The following TMEM63B variants were observed in gnomAD, a reference collection of about 807,000 sequenced individuals.
TMEM63B encodes the protein transmembrane protein 63B.
Under a neutral mutation model 102.6 loss-of-function variants are expected in TMEM63B, and 23 were observed. That is an observed-to-expected ratio of 0.22 (90% CI 0.16 to 0.32). The LOEUF is 0.32. Ranked by LOEUF, TMEM63B falls within the 10% of genes least tolerant of loss-of-function variation. The pLI, the probability that TMEM63B is intolerant of heterozygous loss-of-function variation, is 1.00. For missense variants in TMEM63B, 628 were observed against 1,095.9 expected (o/e 0.57, Z 6.03); for synonymous variants, 444 against 437.0 (o/e 1.02, Z -0.20).
At chr6:44,136,880 C>T (rs9349274) in intron 5 of TMEM63B, among the ~76,000 whole-genome samples, 68,733 of 152,066 alleles carry the variant, frequency 0.45, 16,684 homozygotes, top group East Asian at 0.76. Flanking sequence ...CCCGTCTCTA[C>T]TAAAAATACA....
intron 21 of TMEM63B, 66 bp from the exon 22 acceptor site, chr6:44,154,007 T>C: frequency 6.4e-7 from 1 of 1,570,408 alleles, no homozygotes; most frequent in Non-Finnish European, 8.7e-7. Context: ...ATTCAGAGGG[T>C]ATCAGAAGCT....
intron 10 of TMEM63B, among the ~76,000 whole-genome samples, chr6:44,144,255 G>A (rs758000220): frequency 4.6e-5 from 7 of 152,228 alleles, no homozygotes; most frequent in Non-Finnish European, 7.3e-5. Flanking sequence ...GGATTAGGCA[G>A]GGCTTGTGGT....
At position 44,154,778 on chromosome 6, in the gene TMEM63B, A is replaced by G. The variant is rs200697628; in HGVS notation, c.2394A>G (p.Ser798=). 1.6e-4 allele frequency: 264 copies of G among 1,609,674 alleles called. No homozygotes were observed. The East Asian group carries it at 5.5e-3, about 33-fold the overall frequency. The stretch of plus-strand genomic sequence containing the variant: ...GGAGCTCAGGGGATGAGCCCCCATC[A>G]TCCTCATCCCAAGATGAGGAGTTGC... ...APGSSGDEPP[S]SSSQDEELLM... Residue 798 remains serine, a synonymous_variant, in exon 24 of 24, where the codon TCA becomes TCG. Coordinates refer to ENST00000323267, the MANE Select transcript of TMEM63B (RefSeq NM_018426.3).
rs1297465607 is a variant in TMEM63B, at chr6:44,154,774, C to T, written c.2390C>T (p.Pro797Leu). 1.2e-6 allele frequency: 2 copies of T among 1,609,436 alleles called. No homozygotes were observed. The highest frequency in any genetic ancestry group is 1.7e-5 in the Admixed American group (1 of 59,480). ...GAPGSSGDEP[P>L]SSSSQDEELL... Reference sequence around the variant, plus strand: ...CCTGGGAGCTCAGGGGATGAGCCCCCATCATCCTCATCCCAAGATGAGGAG... The same window carrying T: ...CCTGGGAGCTCAGGGGATGAGCCCCTATCATCCTCATCCCAAGATGAGGAG... The change falls in exon 24 of 24, where the codon CCA becomes CTA. Residue 797 changes from proline to leucine, a missense_variant. Physicochemically the swap from Pro to Leu is moderately conservative, Grantham distance 98. Around this residue, in one of 6 missense-constraint regions of TMEM63B, gnomAD observed 129 missense variants for 153.5 expected, o/e 0.84. Transcript: ENST00000323267.
At chr6:44,135,619 C>G (rs1762785368) in intron 4 of TMEM63B, among the ~76,000 whole-genome samples, 1 of 152,204 alleles carries the variant, frequency 6.6e-6, no homozygotes, top group African/African-American at 2.4e-5. Flanking sequence ...GTGCCCCTGC[C>G]TATGCAGCCC....
chr6:44,140,545 G>A (rs1282931690), intron 9 of TMEM63B, 185 bp downstream of exon 9: 3 of 687,580 alleles, frequency 4.4e-6, no homozygotes, highest in South Asian at 3.0e-5. Flanking sequence ...CTGTAAAATG[G>A]AATAACAACA....
At position 44,148,659 on chromosome 6, in the gene TMEM63B, A is replaced by ACAGG; in HGVS notation, c.1259+10_1259+13dup. 6.2e-7 allele frequency: 1 copy of ACAGG among 1,613,502 alleles called. No homozygotes were observed. The highest frequency in any genetic ancestry group is 8.5e-7 in the Non-Finnish European group (1 of 1,179,554). On this transcript the variant is annotated intron_variant, in intron 14 of 23. Coordinates refer to ENST00000323267, the MANE Select transcript of TMEM63B (RefSeq NM_018426.3). This position sits in a 1 kb window ranked among gnomAD's most constrained non-coding sequence, Gnocchi z 5.1. ...CCTCAGAACATCTACTGGTGAGCAAACAGGTGTCAGGGCAGGCTTTCCAGG... is the reference window on the plus strand; with the variant it reads ...CCTCAGAACATCTACTGGTGAGCAAACAGGCAGGTGTCAGGGCAGGCTTTCCAGG...
upstream of TMEM63B, chr6:44,127,168 A>AC (rs72348651): frequency 2.5e-5 from 2 of 79,416 alleles, no homozygotes; most frequent in African/African-American, 4.6e-5. Flanking sequence ...CCCCGTCGGG[A>AC]CCCCCCTCCC....
chr6:44,146,578 G>A (rs1436558912), intron 10 of TMEM63B, among the ~76,000 whole-genome samples: 1 of 152,064 alleles, frequency 6.6e-6, no homozygotes, highest in Non-Finnish European at 1.5e-5. Flanking sequence ...AGCCTCCTGA[G>A]TAGCTGGGAC....
intron 4 of TMEM63B, among the ~76,000 whole-genome samples, chr6:44,136,146 G>A (rs1762900987): frequency 1.3e-5 from 2 of 152,212 alleles, no homozygotes; most frequent in East Asian, 1.9e-4. Context: ...GCCCACCTCC[G>A]CTCCCACCCT....
At chr6:44,130,414 TTTTTTCTTTTTCTG>T (rs1352359840) in intron 1 of TMEM63B, among the ~76,000 whole-genome samples, 1 of 152,184 alleles carries the variant, frequency 6.6e-6, no homozygotes, top group Admixed American at 6.5e-5. Flanking sequence ...TTTACTACTT[TTTTTTCTTTTTCTG>T]TTTTTCTTTT....
At chr6:44,127,968 G>C (rs1355345100) in intron 1 of TMEM63B, 1 of 150,600 alleles carries the variant, frequency 6.6e-6, no homozygotes, top group Admixed American at 6.6e-5. Context: ...CGGCCCCCGA[G>C]TGCCACTCTT....
At chr6:44,127,413 C>T (rs1225567287), upstream of TMEM63B, 1 of 152,444 alleles carries the variant, frequency 6.6e-6, no homozygotes, top group Non-Finnish European at 1.5e-5. Context: ...CCCACGCGGC[C>T]TCTTCCTAGC....
At chr6:44,127,093 T>TG (rs1777180537), upstream of TMEM63B, 2 of 149,900 alleles carry the variant, frequency 1.3e-5, no homozygotes, top group Admixed American at 1.3e-4. Context: ...GCCACGGACT[T>TG]GGGGGTCGCA....
Position 44,148,401 on chromosome 6 carries a change from G to A in TMEM63B, c.1121+16G>A, listed in dbSNP as rs751858102. ...TCACCGCCATGTGAGTCCCCAACTC[G>A]GCCCTCGGCCCTGAGCAGCCCTCCA... On this transcript the variant is annotated intron_variant, in intron 13 of 23. Coordinates refer to ENST00000323267, the MANE Select transcript of TMEM63B (RefSeq NM_018426.3). This position sits in a 1 kb window ranked among gnomAD's most constrained non-coding sequence, Gnocchi z 5.1. 20 of 1,614,082 alleles carry A rather than the reference G, an allele frequency of 1.2e-5. No homozygotes were observed. Among genetic ancestry groups the A allele is most frequent in the Non-Finnish European group, 1.7e-5 (20 of 1,180,030 alleles).
chr6:44,148,601 A>G lies in TMEM63B; in HGVS notation c.1210A>G (p.Ile404Val). The G allele has an allele frequency of 6.2e-7, 1 of 1,614,206 alleles. No individual in the cohort carries two copies. The highest frequency in any genetic ancestry group is 8.5e-7 in the Non-Finnish European group (1 of 1,180,028). ...RPSSCSESLH[I>V]SNWTVSYAPD... The stretch of plus-strand genomic sequence containing the variant: ...CTCATCCTGCAGCGAGTCCCTGCAC[A>G]TCTCCAACTGGACCGTGTCCTATGC... The change falls in exon 14 of 24, where the codon ATC (isoleucine) becomes GTC (valine). Residue 404 changes from isoleucine (I) to valine (V), a missense_variant. Around this residue, in one of 6 missense-constraint regions of TMEM63B, gnomAD observed 336 missense variants for 580.3 expected, o/e 0.58. Coordinates refer to ENST00000323267, the MANE Select transcript of TMEM63B (RefSeq NM_018426.3). The surrounding 1 kb of genome is among the most constrained non-coding windows in gnomAD (Gnocchi z 5.1).
In TMEM63B at chr6:44,150,034, C is replaced by A; in HGVS notation, c.1520+69C>A. On this transcript the variant is annotated intron_variant, in intron 16 of 23. Transcript: ENST00000323267. This position sits in a 1 kb window ranked among gnomAD's most constrained non-coding sequence, Gnocchi z 4.7. ...TCAATGACCCATCCTCTCTGGGCAG[C>A]ACTTTGCCCTTCAGGCTCCTGGCCC... is the stretch of plus-strand genomic sequence containing the variant. 2 of 1,493,610 alleles carry A rather than the reference C, an allele frequency of 1.3e-6. No individual in the cohort carries two copies. Among genetic ancestry groups the A allele is most frequent in the Non-Finnish European group, 1.8e-6 (2 of 1,086,280 alleles). 92.5% of individuals were successfully genotyped at this position (1,493,610 alleles called of 1,614,324 possible).
At chr6:44,131,368 CCCT>C (rs1465772615) in intron 1 of TMEM63B, among the ~76,000 whole-genome samples, 1 of 152,128 alleles carries the variant, frequency 6.6e-6, no homozygotes, top group East Asian at 1.9e-4. Flanking sequence ...TTCCATCTTC[CCCT>C]CCTCCCCTCA....
At position 44,138,743 on chromosome 6, in the gene TMEM63B, C is replaced by CCCG. The variant is rs916985501; in HGVS notation, c.407+226_407+227insCCG. 56 of 401,116 alleles carry CCCG rather than the reference C, an allele frequency of 1.4e-4. 3 individuals carry two copies. Among genetic ancestry groups the CCCG allele is most frequent in the Non-Finnish European group, 2.5e-4 (54 of 212,562 alleles). 24.8% of individuals were successfully genotyped at this position (401,116 alleles called of 1,614,324 possible). ...CTCTGTGACCCCCTGCCGGCCCCCCCGCTTCTCTCCCTGCCCTGCCCCACC... is the reference window on the plus strand; with the variant it reads ...CTCTGTGACCCCCTGCCGGCCCCCCCCCGGCTTCTCTCCCTGCCCTGCCCCACC... On this transcript the variant is annotated intron_variant, in intron 6 of 23. Transcript: ENST00000323267.
Sources: gnomAD v4.1 joint callset for allele counts (sites outside exome capture counted in the v4.1 genomes callset) on GRCh38, gnomAD v4.1.1 for gene constraint, gnomAD v4.1.1 regional missense constraint, Gnocchi (gnomAD v3.1) non-coding constraint, MANE v1.5 for transcripts, NCBI Gene and HGNC (gene_info 2026-07-23, HGNC 2026-07-21) for gene names.